DCDC2: variants seen among roughly 807,000 people sequenced by gnomAD.
DCDC2 encodes doublecortin domain containing 2.
In DCDC2, 40 loss-of-function variants were observed where a neutral mutation model predicts 50.2. The observed-to-expected ratio is 0.80, with a 90% CI of 0.62 to 1.04. The LOEUF is 1.04. Among genes scored for constraint, DCDC2 ranks in the 50% least tolerant of loss-of-function variants. The probability of loss-of-function intolerance (pLI) is 0.00; values close to 1 mark genes in which losing one functional copy is unlikely to be tolerated. For synonymous variants in DCDC2, 234 were observed against 210.6 expected (o/e 1.11, Z -0.96); for missense variants, 570 against 581.9 (o/e 0.98, Z 0.21).
At chr6:24,295,226 T>C (rs1763836003) in intron 4 of DCDC2, among the ~76,000 whole-genome samples, 1 of 152,162 alleles carries the variant, frequency 6.6e-6, no homozygotes, top group South Asian at 2.1e-4. Context: ...AAAAACCATA[T>C]GATTATCTCA....
intron 7 of DCDC2, among the ~76,000 whole-genome samples, chr6:24,246,942 C>T (rs376166401): frequency 6.6e-6 from 1 of 152,112 alleles, no homozygotes; most frequent in African/African-American, 2.4e-5. Flanking sequence ...TGAAATGAGT[C>T]CCATTTTCTC....
At chr6:24,382,517 C>A in the DCDC2 span, among the ~76,000 whole-genome samples, 1 of 152,098 alleles carries the variant, frequency 6.6e-6, no homozygotes, top group Admixed American at 6.6e-5. Flanking sequence ...TATCAGATTT[C>A]ATTAAAGCAA....
rs1205816943 is a variant in DCDC2 at position 24,172,555 on chromosome 6, GAGAA to G, written c.*2171_*2174del. The G allele has an allele frequency of 6.6e-6, 1 of 152,076 alleles. No individual in the cohort carries two copies. The highest frequency in any genetic ancestry group is 1.5e-5 in the Non-Finnish European group (1 of 68,026). The allele number at this position is 152,076 out of a possible 1,614,324, so 9.4% of individuals were successfully genotyped here. On this transcript the variant is annotated 3_prime_UTR_variant, in exon 10 of 10. Transcript: ENST00000378454. ...AAATATTTTTATTAGAGGAGGAAAA[GAGAA>G]AGAGAAACTCTCCATTGAAGAAACA...
At chr6:24,318,832 G>A (rs569215885) in intron 2 of DCDC2, among the ~76,000 whole-genome samples, 21 of 147,204 alleles carry the variant, frequency 1.4e-4, no homozygotes, top group African/African-American at 5.2e-4. Context: ...CCAGTTATCT[G>A]TTGATGGACA....
the DCDC2 span, among the ~76,000 whole-genome samples, chr6:24,369,147 A>C: frequency 2.0e-5 from 3 of 151,702 alleles, no homozygotes; most frequent in Non-Finnish European, 4.4e-5. Context: ...AAAAAAAAAA[A>C]AAAAAACCAA....
rs371841775 is a variant in DCDC2, at chr6:24,255,505, T to C, written c.922+22544A>G. On this transcript the variant is annotated intron_variant, in intron 7 of 9. Coordinates refer to ENST00000378454, the MANE Select transcript of DCDC2 (RefSeq NM_016356.5). ...CACAAAAAAGTCATTCAGAAAGTGA[T>C]GACAAGCCACAGAATGGAAAAAGAT... Among the ~76,000 whole-genome samples, 31 of 152,224 alleles carry C rather than the reference T, an allele frequency of 2.0e-4. 1 individual carries two copies. The East Asian group carries it at 3.7e-3, about 18-fold the overall frequency.
intron 6 of DCDC2, 147 bp downstream of exon 6, chr6:24,288,705 A>G: frequency 1.4e-6 from 1 of 691,210 alleles, no homozygotes; most frequent in South Asian, 1.8e-5. Context: ...GTGTAACATT[A>G]AAGTTCTAGT....
chr6:24,180,275 G>T (rs539763620), intron 8 of DCDC2, among the ~76,000 whole-genome samples: 6 of 151,770 alleles, frequency 4.0e-5, no homozygotes, highest in African/African-American at 7.2e-5. Context: ...AAATAACACG[G>T]TTTTTTTGTT....
In DCDC2 at chr6:24,290,938, G is replaced by A. The variant is rs1203518827; in HGVS notation, c.698C>T (p.Pro233Leu). 1.2e-6 allele frequency: 2 copies of A among 1,613,346 alleles called. No homozygotes were observed. The highest frequency in any genetic ancestry group is 1.7e-6 in the Non-Finnish European group (2 of 1,179,828). ...GGTAAGGAGTAAGACTTACCCAAAA[G>A]GCCTTCTCATCGTTGACTTGTCAAA... is the stretch of plus-strand genomic sequence containing the variant. ...LLFDKSTMRR[P>L]FGQKASSLPP... is the part of the protein sequence containing the mutation. Residue 233 changes from proline (P) to leucine (L), a missense_variant, in exon 5 of 10, where the codon CCT becomes CTT. By Grantham distance (98) the Pro-to-Leu change is moderately conservative. Transcript: ENST00000378454.
intron 7 of DCDC2, among the ~76,000 whole-genome samples, chr6:24,222,449 G>T (rs1762140919): frequency 6.6e-6 from 1 of 152,152 alleles, no homozygotes; most frequent in Non-Finnish European, 1.5e-5. Flanking sequence ...TTAGGGTTTA[G>T]CTGTTGGAAT....
Position 24,290,958 on chromosome 6 carries a change from G to A in DCDC2, c.678C>T (p.Asp226=). The A allele has an allele frequency of 6.2e-7, 1 of 1,613,764 alleles. No individual in the cohort carries two copies. ...CAAAAGGCCTTCTCATCGTTGACTT[G>A]TCAAAAAGTAACTCACTGTAAGGCA... is the stretch of plus-strand genomic sequence containing the variant. ...KKLPYSELLF[D]KSTMRRPFGQ... is the part of the protein sequence containing the mutation. Residue 226 remains aspartate (D), a synonymous_variant, in exon 5 of 10, where the codon GAC becomes GAT. Transcript: ENST00000378454.
At chr6:24,364,276 T>C in the DCDC2 span, among the ~76,000 whole-genome samples, 8 of 152,214 alleles carry the variant, frequency 5.3e-5, no homozygotes, top group African/African-American at 1.9e-4. Context: ...TTATTTATTT[T>C]TAAAAGATGG....
intron 7 of DCDC2, among the ~76,000 whole-genome samples, chr6:24,227,252 A>G: frequency 6.6e-6 from 1 of 152,184 alleles, no homozygotes; most frequent in East Asian, 1.9e-4. Context: ...CAGTTTTGTG[A>G]CTCAGTAAGT....
At chr6:24,309,921 G>A (rs1327201993) in intron 2 of DCDC2, among the ~76,000 whole-genome samples, 1 of 152,142 alleles carries the variant, frequency 6.6e-6, no homozygotes, top group African/African-American at 2.4e-5. Flanking sequence ...CTTGAGCCCA[G>A]GAGTTCAGGA....
intron 6 of DCDC2, among the ~76,000 whole-genome samples, chr6:24,287,943 G>C (rs1326148811): frequency 6.6e-6 from 1 of 152,130 alleles, no homozygotes; most frequent in East Asian, 1.9e-4. Context: ...AATAGTATAA[G>C]AGTCTCAGCT....
intron 7 of DCDC2, among the ~76,000 whole-genome samples, chr6:24,239,450 G>T (rs1762521574): frequency 6.6e-6 from 1 of 152,124 alleles, no homozygotes; most frequent in Admixed American, 6.5e-5. Context: ...CACAAACTGG[G>T]ATAGTTGACC....
chr6:24,330,530 A>G (rs1237858821), intron 2 of DCDC2, among the ~76,000 whole-genome samples: 1 of 152,242 alleles, frequency 6.6e-6, no homozygotes, highest in Non-Finnish European at 1.5e-5. Context: ...AAAACCTTTT[A>G]AAATGGACCA....
At chr6:24,192,977 A>T (rs1335229363) in intron 8 of DCDC2, among the ~76,000 whole-genome samples, 2 of 152,092 alleles carry the variant, frequency 1.3e-5, no homozygotes, top group Non-Finnish European at 2.9e-5. Context: ...CACCAGGAAC[A>T]AAGAAAATAG....
intron 2 of DCDC2, among the ~76,000 whole-genome samples, chr6:24,317,427 G>A (rs1021839060): frequency 6.6e-6 from 1 of 151,922 alleles, no homozygotes; most frequent in African/African-American, 2.4e-5. Flanking sequence ...TGGGACAGTG[G>A]GGTAGCCTAG....
Sources: gnomAD v4.1 joint callset for allele counts (sites outside exome capture counted in the v4.1 genomes callset) on GRCh38, gnomAD v4.1.1 for gene constraint, MANE v1.5 for transcripts, NCBI Gene and HGNC (gene_info 2026-07-23, HGNC 2026-07-21) for gene names.